MKNK2: variants seen among roughly 807,000 people sequenced by gnomAD.
MKNK2 encodes MAPK interacting serine/threonine kinase 2, also known as MAP kinase-interacting serine/threonine-protein kinase 2.
In MKNK2, 54 loss-of-function variants were observed where a neutral mutation model predicts 55.0. The observed-to-expected ratio is 0.98, with a 90% CI of 0.79 to 1.23. The LOEUF (loss-of-function observed/expected upper bound fraction) is 1.23, where lower values mean the gene tolerates loss of function less well. Among genes scored for constraint, MKNK2 ranks in the 50% most tolerant of loss-of-function variants. The probability of loss-of-function intolerance (pLI) is 0.00; values close to 1 mark genes in which losing one functional copy is unlikely to be tolerated. For missense variants in MKNK2, 685 were observed against 632.1 expected (o/e 1.08, Z -0.90); for synonymous variants, 323 against 256.0 (o/e 1.26, Z -2.50).
At chr19:2,046,523 C>T (rs1464713803) in intron 3 of MKNK2, 55 bp from the exon 4 acceptor site, 2 of 1,566,350 alleles carry the variant, frequency 1.3e-6, no homozygotes, top group East Asian at 2.4e-5. Context: ...CCGGCCGGCC[C>T]CCACCCCCCT....
At position 2,042,540 on chromosome 19, in the gene MKNK2, G is replaced by C. The variant is rs917071938; in HGVS notation, c.655-18C>G. 11 of 1,586,370 alleles carry C rather than the reference G, an allele frequency of 6.9e-6. No individual in the cohort carries two copies. In the East Asian group the frequency reaches 1.4e-4, roughly 20 times the overall value. ...GGGGAGACCTGGGAGGGGCCAAAAG[G>C]TCCGTGAGCCTGGGGTCCCACGCGG... On this transcript the variant is annotated intron_variant, in intron 9 of 13. Transcript: ENST00000250896.
chr19:2,041,352 C>G, intron 11 of MKNK2, 148 bp from the exon 12 acceptor site: 1 of 755,482 alleles, frequency 1.3e-6, no homozygotes, highest in Non-Finnish European at 2.1e-6. Flanking sequence ...GGAGCCGGAC[C>G]AGGAGAGTCA....
At chr19:2,041,418 C>T (rs1388850557) in intron 11 of MKNK2, among the ~76,000 whole-genome samples, 1 of 152,108 alleles carries the variant, frequency 6.6e-6, no homozygotes, top group Non-Finnish European at 1.5e-5. Flanking sequence ...GACCTGGTTC[C>T]AGGGACCACA....
chr19:2,042,602 C>G lies in MKNK2; in HGVS notation c.654+5G>C. ...CGCGGGGCCACCCTGCCGGAACTGGCCTACCTGGTTGGGGTGCTCACAGAG... is the reference window on the plus strand; with the variant it reads ...CGCGGGGCCACCCTGCCGGAACTGGGCTACCTGGTTGGGGTGCTCACAGAG... On this transcript the variant is annotated splice_donor_5th_base_variant and intron_variant, in intron 9 of 13. Transcript: ENST00000250896. The G allele has an allele frequency of 1.9e-6, 3 of 1,567,428 alleles. No homozygotes were observed. Among genetic ancestry groups the G allele is most frequent in the Non-Finnish European group, 2.6e-6 (3 of 1,155,932 alleles).
chr19:2,045,630 GCCAGC>G (rs1321681430), intron 5 of MKNK2, among the ~76,000 whole-genome samples: 1 of 152,174 alleles, frequency 6.6e-6, no homozygotes, highest in Non-Finnish European at 1.5e-5. Context: ...TTCCCAGGCA[GCCAGC>G]CCTCCTGGGA....
At chr19:2,051,032 C>G in intron 1 of MKNK2, 64 bp downstream of exon 1, 1 of 369,436 alleles carries the variant, frequency 2.7e-6, no homozygotes. Context: ...GGCGAGGGCT[C>G]CGCGGGGCCC....
chr19:2,042,792 C>T lies in MKNK2; in HGVS notation c.572G>A (p.Ser191Asn), dbSNP rs1311575613. ...EASVVVQDVASALDFLHNKGI... is the reference protein window; with the variant it reads ...EASVVVQDVANALDFLHNKGI... ...TTTGTTATGCAGAAAGTCCAAGGCG[C>T]TGGCCACGTCCTGCACCACCACGCT... Residue 191 changes from serine (S) to asparagine (N), a missense_variant, in exon 8 of 14, where the codon AGC becomes AAC. Coordinates refer to ENST00000250896, the MANE Select transcript of MKNK2 (RefSeq NM_199054.3). 1.9e-6 allele frequency: 3 copies of T among 1,580,562 alleles called. No individual in the cohort carries two copies. In the Admixed American group the frequency reaches 5.5e-5, roughly 29 times the overall value.
chr19:2,043,004 T>C, intron 7 of MKNK2, 120 bp downstream of exon 7: 2 of 1,295,192 alleles, frequency 1.5e-6, no homozygotes, highest in Non-Finnish European at 2.2e-6. Context: ...GCCTCACCCC[T>C]GAGCCACCAT....
In MKNK2 at chr19:2,039,033, G is replaced by A; in HGVS notation, c.*580C>T. On this transcript the variant is annotated 3_prime_UTR_variant, in exon 14 of 14. Transcript: ENST00000250896. ...CTGGGGGATCCCATGGGGTGGGTGGGTGAGCTGCCTGCCACCTGCCTGCCT... is the reference window on the plus strand; with the variant it reads ...CTGGGGGATCCCATGGGGTGGGTGGATGAGCTGCCTGCCACCTGCCTGCCT... The A allele has an allele frequency of 2.0e-6, 2 of 986,374 alleles. No individual in the cohort carries two copies. Among genetic ancestry groups the A allele is most frequent in the Non-Finnish European group, 2.4e-6 (2 of 830,340 alleles). The allele number at this position is 986,374 out of a possible 1,614,324, so 61.1% of individuals were successfully genotyped here.
intron 8 of MKNK2, 45 bp from the exon 9 acceptor site, chr19:2,042,707 G>C: frequency 6.4e-7 from 1 of 1,550,634 alleles, no homozygotes; most frequent in South Asian, 1.2e-5. Context: ...GGGTCTGGAG[G>C]TCTTCCAGGA....
Position 2,039,456 on chromosome 19 carries a change from A to G in MKNK2, c.*157T>C. 1.4e-6 allele frequency: 2 copies of G among 1,403,206 alleles called. No individual in the cohort carries two copies. The highest frequency in any genetic ancestry group is 1.9e-6 in the Non-Finnish European group (2 of 1,079,806). 86.9% of individuals were successfully genotyped at this position (1,403,206 alleles called of 1,614,324 possible). Reference sequence around the variant, plus strand: ...ACAGGAAAAAAAAAACCCAAAAGCAAAAACCTTCTATAAAACACCCCCCTC... The same window carrying G: ...ACAGGAAAAAAAAAACCCAAAAGCAGAAACCTTCTATAAAACACCCCCCTC... On this transcript the variant is annotated 3_prime_UTR_variant, in exon 14 of 14. Coordinates refer to ENST00000250896, the MANE Select transcript of MKNK2 (RefSeq NM_199054.3).
chr19:2,045,930 C>T (rs2016985975), intron 5 of MKNK2, among the ~76,000 whole-genome samples: 1 of 152,188 alleles, frequency 6.6e-6, no homozygotes, highest in Non-Finnish European at 1.5e-5. Flanking sequence ...CTGTCATGTA[C>T]CCTCAGGGAC....
At chr19:2,040,058 G>A in intron 13 of MKNK2, 76 bp downstream of exon 13, 4 of 1,488,288 alleles carry the variant, frequency 2.7e-6, no homozygotes, top group Non-Finnish European at 3.7e-6. Context: ...CAGTTCTCCG[G>A]GTCTTTCACA....
chr19:2,043,418 C>T (rs2016934887), intron 6 of MKNK2, 85 bp downstream of exon 6: 1 of 1,342,930 alleles, frequency 7.4e-7, no homozygotes, highest in East Asian at 2.3e-5. Context: ...CCTACAGACG[C>T]TTGCTGGGGG....
intron 13 of MKNK2, 49 bp from the exon 14 acceptor site, chr19:2,039,905 G>A (rs2016839039): frequency 2.6e-6 from 4 of 1,552,158 alleles, no homozygotes; most frequent in African/African-American, 1.4e-5. Flanking sequence ...ACCCCTCAGG[G>A]GACCCCTGGG....
At position 2,039,865 on chromosome 19, in the gene MKNK2, C is replaced by T. The variant is rs367852603; in HGVS notation, c.1155-9G>A. On this transcript the variant is annotated splice_polypyrimidine_tract_variant and intron_variant, in intron 13 of 13. Coordinates refer to ENST00000250896, the MANE Select transcript of MKNK2 (RefSeq NM_199054.3). ...CTTTGGCACAGCTGTTCCTGGGAAA[C>T]GGGGTGGGGGTAGGTGGTCACCAAG... 48 of 1,586,934 alleles carry T rather than the reference C, an allele frequency of 3.0e-5. No homozygotes were observed. Among genetic ancestry groups the T allele is most frequent in the South Asian group, 3.0e-4 (27 of 90,124 alleles).
In MKNK2 at chr19:2,040,057, G is replaced by C. The variant is rs557143548; in HGVS notation, c.1154+77C>G. 8.1e-6 allele frequency: 12 copies of C among 1,483,968 alleles called. No homozygotes were observed. The Admixed American group carries it at 1.2e-4, about 15-fold the overall frequency. The allele number at this position is 1,483,968 out of a possible 1,614,324, so 91.9% of individuals were successfully genotyped here. On this transcript the variant is annotated intron_variant, in intron 13 of 13. Transcript: ENST00000250896. ...CTCCCCGACCCCAAAGCAGTTCTCC[G>C]GGTCTTTCACAAATGTCTTAACCTG...
chr19:2,047,238 G>A (rs1433593250), intron 2 of MKNK2, among the ~76,000 whole-genome samples: 1 of 152,170 alleles, frequency 6.6e-6, no homozygotes, highest in East Asian at 1.9e-4. Context: ...CTGTGGTTGT[G>A]ACCGGTTGGG....
chr19:2,050,259 A>C (rs2017085713), intron 2 of MKNK2, among the ~76,000 whole-genome samples: 4 of 152,266 alleles, frequency 2.6e-5, no homozygotes, highest in Admixed American at 6.5e-5. Context: ...GGGACATCCC[A>C]TCCCCTCCCC....
Sources: allele counts gnomAD v4.1 joint callset (sites outside exome capture counted in the v4.1 genomes callset), GRCh38; gene constraint gnomAD v4.1.1; transcripts MANE v1.5; gene names NCBI Gene and HGNC (gene_info 2026-07-23, HGNC 2026-07-21).